ANXA3: variants seen among roughly 807,000 people sequenced by gnomAD.
ANXA3 encodes 35-alpha calcimedin.
ANXA3 carries 46 observed loss-of-function variants against 48.8 expected under a neutral mutation model. The ratio of observed to expected loss-of-function variants is 0.94; its 90% CI spans 0.74 to 1.21. ANXA3 has a LOEUF of 1.21. Ranked by LOEUF, ANXA3 falls within the 50% of genes most tolerant of loss-of-function variation. The pLI, the probability that ANXA3 is intolerant of heterozygous loss-of-function variation, is 0.00. For missense variants in ANXA3, 383 were observed against 378.6 expected, an observed-to-expected ratio of 1.01 and a Z score of -0.10; for synonymous variants, 128 against 134.7, an observed-to-expected ratio of 0.95 and a Z score of 0.35.
At chr4:78,603,206 T>A (rs934449155) in intron 11 of ANXA3, 4 of 152,232 alleles carry the variant, frequency 2.6e-5, no homozygotes, top group African/African-American at 9.6e-5. Flanking sequence ...GACAGAGATA[T>A]AATCTGTTCT....
chr4:78,564,037 G>C (rs928285579), intron 2 of ANXA3, among the ~76,000 whole-genome samples: 16 of 152,282 alleles, frequency 1.1e-4, no homozygotes, highest in African/African-American at 3.8e-4. Flanking sequence ...ACAAATACTG[G>C]TGCTAGATGA....
intron 7 of ANXA3, among the ~76,000 whole-genome samples, chr4:78,592,736 CAT>C (rs1323732542): frequency 3.9e-5 from 6 of 152,122 alleles, no homozygotes; most frequent in African/African-American, 1.4e-4. Context: ...AACAAGTACT[CAT>C]AGGGTGTTAT....
At chr4:78,562,956 A>G (rs1399638003) in intron 2 of ANXA3, among the ~76,000 whole-genome samples, 1 of 152,164 alleles carries the variant, frequency 6.6e-6, no homozygotes, top group Admixed American at 6.6e-5. Context: ...CGAAGCAAAA[A>G]CAGGGATACA....
chr4:78,579,221 T>A, intron 4 of ANXA3, 100 bp downstream of exon 4: 2 of 738,522 alleles, frequency 2.7e-6, no homozygotes, highest in Non-Finnish European at 4.6e-6. Flanking sequence ...AGGCTGAGTG[T>A]AACAGAAGAT....
At chr4:78,605,819 CA>C (rs1723635213) in intron 12 of ANXA3, among the ~76,000 whole-genome samples, 1 of 152,220 alleles carries the variant, frequency 6.6e-6, no homozygotes. Flanking sequence ...GTAAGCCTGA[CA>C]AAAATTGTAC....
At chr4:78,555,051 C>T (rs1299970748) in intron 2 of ANXA3, among the ~76,000 whole-genome samples, 3 of 152,046 alleles carry the variant, frequency 2.0e-5, no homozygotes, top group African/African-American at 7.2e-5. Context: ...ACTAGAAATA[C>T]AAAAATAGCC....
At chr4:78,595,149 T>C (rs1057387743) in intron 7 of ANXA3, among the ~76,000 whole-genome samples, 2 of 151,992 alleles carry the variant, frequency 1.3e-5, no homozygotes, top group South Asian at 2.1e-4. Flanking sequence ...TAAATATATA[T>C]ATATATGAAT....
chr4:78,558,426 T>G (rs1169595321), intron 2 of ANXA3, among the ~76,000 whole-genome samples: 1 of 152,214 alleles, frequency 6.6e-6, no homozygotes. Context: ...ATGTGTTCTT[T>G]TTTTCTCTCT....
rs112477936 is a variant in ANXA3, at chr4:78,595,540, C to CTTTTT, written c.540+112_540+116dup. 2.4e-4 allele frequency: 238 copies of CTTTTT among 991,988 alleles called. No individual in the cohort carries two copies. In the African/African-American group the frequency reaches 3.5e-3, roughly 15 times the overall value. The allele number at this position is 991,988 out of a possible 1,614,324, so 61.4% of individuals were successfully genotyped here. A position where few individuals can be genotyped will look rare whatever the true frequency, so the allele number is the denominator to read the frequency against. ...AAAAATAGCAGCAACAGGGACTTTT[C>CTTTTT]TTTTTTTTTTTTTCCTGTTTGAAAG... is the stretch of plus-strand genomic sequence containing the variant. On this transcript the variant is annotated intron_variant, in intron 8 of 12. Transcript: ENST00000264908.
chr4:78,585,199 G>A (rs546708713), intron 5 of ANXA3, among the ~76,000 whole-genome samples: 1 of 152,352 alleles, frequency 6.6e-6, no homozygotes, highest in South Asian at 2.1e-4. Flanking sequence ...GGAGGGTTTA[G>A]CAGGTGTAAT....
intron 2 of ANXA3, among the ~76,000 whole-genome samples, chr4:78,562,833 G>A (rs1300929275): frequency 6.6e-6 from 1 of 152,212 alleles, no homozygotes; most frequent in African/African-American, 2.4e-5. Flanking sequence ...CGTGGCATGA[G>A]ATGGTGAGCT....
chr4:78,591,304 A>T (rs1441508773), intron 6 of ANXA3, among the ~76,000 whole-genome samples: 1 of 152,178 alleles, frequency 6.6e-6, no homozygotes, highest in Non-Finnish European at 1.5e-5. Flanking sequence ...ATAAACCAAG[A>T]TTTGCTCCAG....
At chr4:78,609,755 A>C (rs1030940665) in intron 12 of ANXA3, among the ~76,000 whole-genome samples, 1 of 152,200 alleles carries the variant, frequency 6.6e-6, no homozygotes, top group Non-Finnish European at 1.5e-5. Context: ...TAAAATTTGA[A>C]GTTTTTATAG....
chr4:78,601,631 A>G (rs757317207), intron 11 of ANXA3, 63 bp downstream of exon 11: 28 of 1,297,258 alleles, frequency 2.2e-5, no homozygotes, highest in Non-Finnish European at 2.9e-5. Flanking sequence ...AAGTATGCAA[A>G]TAGTAGAACA....
intron 6 of ANXA3, among the ~76,000 whole-genome samples, chr4:78,591,177 T>A (rs1255599413): frequency 6.6e-6 from 1 of 152,210 alleles, no homozygotes; most frequent in Non-Finnish European, 1.5e-5. Context: ...ATATCTTGCT[T>A]AAGGTTAGGG....
chr4:78,588,479 C>T (rs1723224907), intron 6 of ANXA3, among the ~76,000 whole-genome samples: 1 of 152,120 alleles, frequency 6.6e-6, no homozygotes, highest in Admixed American at 6.5e-5. Flanking sequence ...TTATAACCCC[C>T]CAGACCTGAG....
At chr4:78,602,353 T>C (rs1361883617) in intron 11 of ANXA3, 2 of 152,174 alleles carry the variant, frequency 1.3e-5, no homozygotes. Context: ...ATTTGTCTAC[T>C]GATTTGCCTC....
chr4:78,556,679 C>G (rs1314284459), intron 2 of ANXA3, among the ~76,000 whole-genome samples: 19 of 152,092 alleles, frequency 1.2e-4, no homozygotes, highest in Non-Finnish European at 1.2e-4. Flanking sequence ...GGAGGCTAAA[C>G]TCTCATCTTT....
intron 6 of ANXA3, among the ~76,000 whole-genome samples, chr4:78,588,318 A>G (rs535419284): frequency 6.6e-6 from 1 of 152,066 alleles, no homozygotes; most frequent in Non-Finnish European, 1.5e-5. Flanking sequence ...ACTTGAGTCT[A>G]AGAGATTGAG....
Sources: allele counts gnomAD v4.1 joint callset (sites outside exome capture counted in the v4.1 genomes callset), GRCh38; gene constraint gnomAD v4.1.1; transcripts MANE v1.5; gene names NCBI Gene and HGNC (gene_info 2026-07-23, HGNC 2026-07-21).